Variants in PTPA observed in about 807,000 individuals in gnomAD.
PTPA encodes protein phosphatase 2 phosphatase activator.
Under a neutral mutation model 43.6 loss-of-function variants are expected in PTPA, and 13 were observed. The observed-to-expected ratio is 0.30, with a 90% CI of 0.19 to 0.47. The LOEUF (loss-of-function observed/expected upper bound fraction) is 0.47, where lower values mean the gene tolerates loss of function less well. Ranked by LOEUF, PTPA falls within the 20% of genes least tolerant of loss-of-function variation. The pLI is 0.99. For synonymous variants in PTPA, 172 were observed against 158.2 expected (o/e 1.09, Z -0.66); for missense variants, 329 against 411.9 (o/e 0.80, Z 1.74).
chr9:129,114,888 A>G (rs1848766852), intron 1 of PTPA, among the ~76,000 whole-genome samples: 2 of 152,140 alleles, frequency 1.3e-5, no homozygotes, highest in African/African-American at 4.8e-5. Context: ...TTTCATCAGT[A>G]ATTTGTTATA....
upstream of PTPA, chr9:129,111,400 C>A: frequency 8.1e-7 from 1 of 1,238,716 alleles, no homozygotes; most frequent in Non-Finnish European, 1.0e-6. Context: ...TAGGCTTGCT[C>A]CCTGAGCGCC....
intron 1 of PTPA, among the ~76,000 whole-genome samples, chr9:129,113,818 A>G (rs912314761): frequency 1.3e-5 from 2 of 151,954 alleles, no homozygotes. Flanking sequence ...ACATCAGGAG[A>G]TAGGAGATAT....
At chr9:129,128,703 C>T (rs926431130) in intron 3 of PTPA, among the ~76,000 whole-genome samples, 1 of 152,190 alleles carries the variant, frequency 6.6e-6, no homozygotes, top group African/African-American at 2.4e-5. Flanking sequence ...GAGTTAGCTT[C>T]TCTATAGCAG....
upstream of PTPA, chr9:129,111,200 C>A: frequency 8.9e-7 from 1 of 1,118,814 alleles, no homozygotes; most frequent in Non-Finnish European, 1.2e-6. Context: ...GGAGACTGTC[C>A]CGGAAAAACA....
chr9:129,137,566 A>ACGC (rs1212454035), intron 7 of PTPA, 26 bp from the exon 8 acceptor site: 1 of 1,576,328 alleles, frequency 6.3e-7, no homozygotes, highest in East Asian at 2.3e-5. Flanking sequence ...CTGGTTCTGA[A>ACGC]TGCTGGGGCC....
intron 1 of PTPA, among the ~76,000 whole-genome samples, chr9:129,117,683 G>T (rs1333086266): frequency 1.4e-5 from 2 of 147,814 alleles, no homozygotes; most frequent in Non-Finnish European, 3.0e-5. Flanking sequence ...GGGATTACAG[G>T]TGTGAGCCAC....
At chr9:129,120,407 A>G (rs1467096393) in intron 1 of PTPA, 106 bp from the exon 2 acceptor site, 5 of 829,270 alleles carry the variant, frequency 6.0e-6, no homozygotes, top group African/African-American at 1.8e-5. Context: ...CTGGGCAACA[A>G]GAGCAAAACT....
At position 129,148,434 on chromosome 9, in the gene PTPA, C is replaced by T. The variant is rs1217943236; in HGVS notation, c.*970C>T. 6.5e-6 allele frequency: 1 copy of T among 152,790 alleles called. No homozygotes were observed. The highest frequency in any genetic ancestry group is 1.5e-5 in the Non-Finnish European group (1 of 68,436). The allele number at this position is 152,790 out of a possible 1,614,324, so 9.5% of individuals were successfully genotyped here. ...CCCCTGGGCCCTGCTTCTCTGCTCC[C>T]CTGGGTGATGGGTGGGCCCAGAAGG... On this transcript the variant is annotated 3_prime_UTR_variant, in exon 10 of 10. Transcript: ENST00000393370.
At chr9:129,140,972 A>C (rs942715111) in intron 8 of PTPA, among the ~76,000 whole-genome samples, 1 of 152,132 alleles carries the variant, frequency 6.6e-6, no homozygotes, top group Admixed American at 6.5e-5. Flanking sequence ...GCCCCCAGGG[A>C]CCAGAGTGGG....
In PTPA at chr9:129,123,063, C is replaced by G; in HGVS notation, c.141C>G (p.Asp47Glu). 6.2e-7 allele frequency: 1 copy of G among 1,610,470 alleles called. No individual in the cohort carries two copies. The highest frequency in any genetic ancestry group is 8.5e-7 in the Non-Finnish European group (1 of 1,177,862). Reference protein sequence around the residue: ...GKWKRSQAYADYIGFILTLNE... With the variant: ...GKWKRSQAYAEYIGFILTLNE... ...TCTCTGTTTGGTAGGCATACGCTGA[C>G]TACATCGGATTCATCCTTACCCTCA... Residue 47 changes from aspartate to glutamate, a missense_variant, in exon 3 of 10, where the codon GAC (aspartate) becomes GAG (glutamate). Transcript: ENST00000393370.
chr9:129,134,887 TTC>T lies in PTPA; in HGVS notation c.554_555del (p.Phe185Ter), dbSNP rs1336746695. The T allele has an allele frequency of 1.9e-6, 3 of 1,612,558 alleles. No homozygotes were observed. In the South Asian group the frequency reaches 3.3e-5, roughly 18 times the overall value. On this transcript the variant is annotated frameshift_variant, in exon 6 of 10. Coordinates refer to ENST00000393370, the MANE Select transcript of PTPA (RefSeq NM_178000.3). LOFTEE classifies it high-confidence loss of function. ...CCAAATAGCTATTGTCTTCAAGGTGTTCAATCGGTGAGAGAAAGGACAGGAGG... is the reference window on the plus strand; with the variant it reads ...CCAAATAGCTATTGTCTTCAAGGTGTAATCGGTGAGAGAAAGGACAGGAGG... ...DDQIAIVFKV[F>X]NRYLEVMRKL...
intron 5 of PTPA, among the ~76,000 whole-genome samples, chr9:129,133,587 C>T (rs145127280): frequency 1.0e-3 from 156 of 152,360 alleles, no homozygotes; most frequent in African/African-American, 3.7e-3. Context: ...GATTCAATCA[C>T]AGTCCAGTGA....
Position 129,134,296 on chromosome 9 carries a change from C to CTTTTTT in PTPA, c.461-476_461-471dup, listed in dbSNP as rs68089837. ...GAGTGGAATTATAGTACTGGTAGTT[C>CTTTTTT]TTTTTTTTTTTTTTTTTTTTTTTTT... is the stretch of plus-strand genomic sequence containing the variant. On this transcript the variant is annotated intron_variant, in intron 5 of 9. Transcript: ENST00000393370. Among the ~76,000 whole-genome samples, 26 of 56,906 alleles carry CTTTTTT rather than the reference C, an allele frequency of 4.6e-4. 4 individuals are homozygous for CTTTTTT. Among genetic ancestry groups the CTTTTTT allele is most frequent in the East Asian group, 9.1e-4 (2 of 2,194 alleles). 37.3% of individuals were successfully genotyped at this position (56,906 alleles called of 152,430 possible). A position where few individuals can be genotyped will look rare whatever the true frequency, so the allele number is the denominator to read the frequency against.
chr9:129,134,817 T>C lies in PTPA; in HGVS notation c.483T>C (p.Ala161=). The change falls in exon 6 of 10, where the codon GCT becomes GCC. Residue 161 remains alanine, a synonymous_variant. Transcript: ENST00000393370. ...CAGGGCATGAGGCAGCCTTCGCTGC[T>C]TTCCTCTGCTGTCTCTGCAAGATTG... is the stretch of plus-strand genomic sequence containing the variant. The part of the protein sequence containing the change: ...YGTGHEAAFA[A]FLCCLCKIGV... The C allele has an allele frequency of 1.2e-6, 2 of 1,614,132 alleles. No homozygotes were observed. The highest frequency in any genetic ancestry group is 1.7e-6 in the Non-Finnish European group (2 of 1,180,008).
At chr9:129,136,414 G>A (rs1439123726) in intron 6 of PTPA, 57 bp from the exon 7 acceptor site, 1 of 1,554,232 alleles carries the variant, frequency 6.4e-7, no homozygotes, top group Admixed American at 1.8e-5. Flanking sequence ...GTGGCCGAAA[G>A]GGTGAGACTG....
chr9:129,114,188 A>AT (rs994891603), intron 1 of PTPA, among the ~76,000 whole-genome samples: 2 of 151,992 alleles, frequency 1.3e-5, no homozygotes, highest in African/African-American at 4.8e-5. Flanking sequence ...TGCCGGGCTA[A>AT]TTTTTTGTAT....
intron 6 of PTPA, 135 bp from the exon 7 acceptor site, chr9:129,136,336 C>G: frequency 9.9e-7 from 1 of 1,010,306 alleles, no homozygotes; most frequent in Non-Finnish European, 1.4e-6. Context: ...GGAAATAAAG[C>G]TACATTATTG....
chr9:129,143,189 G>A, intron 9 of PTPA: 1 of 627,910 alleles, frequency 1.6e-6, no homozygotes, highest in South Asian at 1.8e-5. Context: ...CAGCCAAGGA[G>A]GTGGCCTTTT....
intron 1 of PTPA, among the ~76,000 whole-genome samples, chr9:129,118,585 C>T (rs377654439): frequency 3.3e-5 from 5 of 152,176 alleles, no homozygotes; most frequent in East Asian, 1.9e-4. Context: ...GTTGGTCAGG[C>T]GCATCTCCAA....
Sources: gnomAD v4.1 joint callset for allele counts (sites outside exome capture counted in the v4.1 genomes callset) on GRCh38, gnomAD v4.1.1 for gene constraint, MANE v1.5 for transcripts, NCBI Gene and HGNC (gene_info 2026-07-23, HGNC 2026-07-21) for gene names.